Variants in SAMD5 observed in about 807,000 individuals in gnomAD.
SAMD5 encodes the protein sterile alpha motif domain containing 5, also known as sterile alpha motif domain-containing protein 5.
A neutral mutation model predicts 11.3 loss-of-function variants in SAMD5; 13 were observed. The ratio of observed to expected loss-of-function variants is 1.15; its 90% CI spans 0.75 to 1.83. The LOEUF is 1.83. Among genes scored for constraint, SAMD5 ranks in the 40% most tolerant of loss-of-function variants. SAMD5 has a pLI of 0.00. For synonymous variants in SAMD5, 129 were observed against 111.3 expected, an observed-to-expected ratio of 1.16 and a Z score of -1.00; for missense variants, 255 against 239.1, an observed-to-expected ratio of 1.07 and a Z score of -0.44.
chr6:147,909,626 T>TCTCTCTCTCTCTCTCTCTCTCTC, the SAMD5 span, among the ~76,000 whole-genome samples: 1 of 59,258 alleles, frequency 1.7e-5, no homozygotes, highest in African/African-American at 8.6e-5. Context: ...CTTTCTTTCT[T>TCTCTCTCTCTCTCTCTCTCTCTC]TCTTTCTCTT....
chr6:147,632,849 T>A (rs936270006), intron 1 of SAMD5, among the ~76,000 whole-genome samples: 8 of 152,372 alleles, frequency 5.3e-5, no homozygotes, highest in Middle Eastern at 3.4e-3. Flanking sequence ...TAGGGCAGAA[T>A]TTCTACATAA....
chr6:147,939,014 A>G, the SAMD5 span, among the ~76,000 whole-genome samples: 5 of 152,188 alleles, frequency 3.3e-5, no homozygotes, highest in African/African-American at 1.2e-4. Context: ...TCTCTGACTT[A>G]TATGCAAAGT....
chr6:147,527,666 C>T (rs777366664), intron 1 of SAMD5, among the ~76,000 whole-genome samples: 1 of 152,144 alleles, frequency 6.6e-6, no homozygotes, highest in Non-Finnish European at 1.5e-5. Flanking sequence ...TAACTCATTC[C>T]AGCATTAACT....
chr6:147,874,363 T>G, the SAMD5 span, among the ~76,000 whole-genome samples: 1 of 152,304 alleles, frequency 6.6e-6, no homozygotes, highest in Admixed American at 6.5e-5. Flanking sequence ...TAATTCCTAT[T>G]ATTGAAAAGC....
intron 1 of SAMD5, among the ~76,000 whole-genome samples, chr6:147,649,222 A>T (rs1487501192): frequency 6.6e-6 from 1 of 152,148 alleles, no homozygotes; most frequent in Non-Finnish European, 1.5e-5. Flanking sequence ...ATTTTAGTTT[A>T]GTTTTGTTTT....
the SAMD5 span, among the ~76,000 whole-genome samples, chr6:147,759,600 T>TATAC: frequency 6.6e-6 from 1 of 150,534 alleles, no homozygotes; most frequent in Non-Finnish European, 1.5e-5. Context: ...ATTTATTATA[T>TATAC]ATACATACAC....
chr6:147,606,418 AG>A (rs1351981357), intron 1 of SAMD5, among the ~76,000 whole-genome samples: 1 of 152,116 alleles, frequency 6.6e-6, no homozygotes, highest in Non-Finnish European at 1.5e-5. Flanking sequence ...CAAAAAAAAA[AG>A]CCATGGGTGA....
At chr6:147,858,290 C>T in the SAMD5 span, among the ~76,000 whole-genome samples, 3 of 152,136 alleles carry the variant, frequency 2.0e-5, no homozygotes, top group African/African-American at 7.2e-5. Context: ...TTGCAGTCCA[C>T]TCCCATAAGT....
chr6:147,886,441 A>G, the SAMD5 span, among the ~76,000 whole-genome samples: 2 of 152,022 alleles, frequency 1.3e-5, no homozygotes, highest in East Asian at 3.9e-4. Context: ...GGAGAGAGAA[A>G]TATCTGTATA....
intron 1 of SAMD5, among the ~76,000 whole-genome samples, chr6:147,694,490 A>G (rs986749862): frequency 1.3e-5 from 2 of 152,232 alleles, no homozygotes; most frequent in Non-Finnish European, 2.9e-5. Context: ...TTCATCAAAC[A>G]TAAAATTCTA....
At position 147,569,682 on chromosome 6, in the gene SAMD5, T is replaced by C; in HGVS notation, c.*5226T>C. ...TTGCCCTGTTCCCCAAGCTTGTCAA[T>C]GTTTAGAGATACTATTCGGGTTGCT... On this transcript the variant is annotated 3_prime_UTR_variant, in exon 2 of 2. Coordinates refer to ENST00000367474, the MANE Select transcript of SAMD5 (RefSeq NM_001030060.3). 2 of 985,380 alleles carry C rather than the reference T, an allele frequency of 2.0e-6. No individual in the cohort carries two copies. Among genetic ancestry groups the C allele is most frequent in the Non-Finnish European group, 1.2e-6 (1 of 829,880 alleles). The allele number at this position is 985,380 out of a possible 1,614,324, so 61.0% of individuals were successfully genotyped here.
chr6:147,564,055 A>C (rs1788996030), intron 1 of SAMD5, among the ~76,000 whole-genome samples: 1 of 152,218 alleles, frequency 6.6e-6, no homozygotes, highest in African/African-American at 2.4e-5. Flanking sequence ...AGTACTGAGT[A>C]ATGTGACTTA....
the SAMD5 span, among the ~76,000 whole-genome samples, chr6:147,810,449 C>T: frequency 2.6e-5 from 4 of 152,104 alleles, no homozygotes; most frequent in African/African-American, 9.7e-5. Flanking sequence ...TTGACCCTGC[C>T]CCAGTGAGGC....
intron 1 of SAMD5, among the ~76,000 whole-genome samples, chr6:147,615,842 G>T (rs1789858941): frequency 6.6e-6 from 1 of 152,174 alleles, no homozygotes; most frequent in Admixed American, 6.5e-5. Context: ...ATTAACCACA[G>T]TTTGAAATAT....
intron 1 of SAMD5, among the ~76,000 whole-genome samples, chr6:147,601,141 A>G (rs1479182905): frequency 6.6e-6 from 1 of 152,208 alleles, no homozygotes; most frequent in South Asian, 2.1e-4. Flanking sequence ...CCAAGTTTGC[A>G]TGCTCCTCCA....
At chr6:147,623,415 G>A (rs908003786) in intron 1 of SAMD5, among the ~76,000 whole-genome samples, 1 of 152,172 alleles carries the variant, frequency 6.6e-6, no homozygotes, top group African/African-American at 2.4e-5. Flanking sequence ...CACAAAAATT[G>A]TATATCCATA....
the SAMD5 span, among the ~76,000 whole-genome samples, chr6:147,882,806 T>G: frequency 6.6e-6 from 1 of 152,212 alleles, no homozygotes; most frequent in East Asian, 1.9e-4. Context: ...GTACATATGT[T>G]TTGCCCTGTT....
chr6:147,591,893 C>T (rs1259285920), intron 1 of SAMD5, among the ~76,000 whole-genome samples: 4 of 152,048 alleles, frequency 2.6e-5, no homozygotes, highest in Non-Finnish European at 5.9e-5. Context: ...GAGAAGGGCT[C>T]AGGAGGCGGT....
chr6:147,870,646 A>T, the SAMD5 span, among the ~76,000 whole-genome samples: 1 of 151,598 alleles, frequency 6.6e-6, no homozygotes, highest in Admixed American at 6.6e-5. Context: ...TAACTTGAAT[A>T]AAAAAAATTC....
Sources: allele counts gnomAD v4.1 joint callset (sites outside exome capture counted in the v4.1 genomes callset), GRCh38; gene constraint gnomAD v4.1.1; transcripts MANE v1.5; gene names NCBI Gene and HGNC (gene_info 2026-07-23, HGNC 2026-07-21).